Variants in RRBP1 observed in about 807,000 individuals in gnomAD.
RRBP1 encodes ribosome binding protein 1, also known as ribosome-binding protein 1.
RRBP1 carries 94 observed loss-of-function variants against 165.2 expected under a neutral mutation model. That is an observed-to-expected ratio of 0.57 (90% CI 0.48 to 0.68). The LOEUF is 0.68. RRBP1 is among the 30% of genes least tolerant of loss of function. The probability of loss-of-function intolerance (pLI) is 0.00; values close to 1 mark genes in which losing one functional copy is unlikely to be tolerated. For synonymous variants in RRBP1, 680 were observed against 714.5 expected, an observed-to-expected ratio of 0.95 and a Z score of 0.77; for missense variants, 1,676 against 1,763.0, an observed-to-expected ratio of 0.95 and a Z score of 0.88.
intron 13 of RRBP1, 37 bp from the exon 14 acceptor site, chr20:17,621,984 CTGT>C: frequency 1.9e-6 from 3 of 1,551,548 alleles, no homozygotes; most frequent in Non-Finnish European, 2.7e-6. Context: ...AGGTGTTCAG[CTGT>C]GGAGGTGTGG....
chr20:17,665,118 G>A (rs1226498412), intron 2 of RRBP1, among the ~76,000 whole-genome samples: 1 of 151,778 alleles, frequency 6.6e-6, no homozygotes, highest in African/African-American at 2.4e-5. Context: ...ATGTGGGGGG[G>A]GGACACACAC....
At chr20:17,618,570 G>C (rs577749394) in intron 20 of RRBP1, 26 bp downstream of exon 20, 1 of 1,586,384 alleles carries the variant, frequency 6.3e-7, no homozygotes, top group South Asian at 1.1e-5. Flanking sequence ...TCACACTCCT[G>C]GCATGGGGAC....
Position 17,619,720 on chromosome 20 carries a change from C to T in RRBP1, c.3588G>A (p.Glu1196=). 2 of 1,611,072 alleles carry T rather than the reference C, an allele frequency of 1.2e-6. No homozygotes were observed. The highest frequency in any genetic ancestry group is 2.2e-5 in the South Asian group (2 of 90,758). The change falls in exon 19 of 25, where the codon GAG becomes GAA. Residue 1196 remains glutamate (E), a synonymous_variant. Coordinates refer to ENST00000377813, the MANE Select transcript of RRBP1 (RefSeq NM_001365613.2). ...GELESSDQVR[E]HTSHLEAELE... is the part of the protein sequence containing the mutation. ...GCTCTGCCTCCAAATGCGACGTGTG[C>T]TCCCTCACCTGGACAGATGCACAGA...
chr20:17,631,996 C>T (rs750787667), intron 8 of RRBP1, among the ~76,000 whole-genome samples: 30 of 152,218 alleles, frequency 2.0e-4, no homozygotes, highest in Non-Finnish European at 3.2e-4. Context: ...TGATCTAGTC[C>T]TAGGCACTCT....
chr20:17,675,445 C>A (rs1408017694), intron 2 of RRBP1, among the ~76,000 whole-genome samples: 4 of 151,722 alleles, frequency 2.6e-5, no homozygotes, highest in African/African-American at 9.7e-5. Context: ...TACATCCCTG[C>A]ACTGGTAGAG....
intron 2 of RRBP1, among the ~76,000 whole-genome samples, chr20:17,672,807 A>C (rs2037001732): frequency 6.6e-6 from 1 of 152,240 alleles, no homozygotes; most frequent in Non-Finnish European, 1.5e-5. Context: ...GAATAGTGAG[A>C]ATGAACAAAC....
intron 2 of RRBP1, among the ~76,000 whole-genome samples, chr20:17,674,492 G>T (rs996325426): frequency 6.6e-6 from 1 of 152,018 alleles, no homozygotes; most frequent in Non-Finnish European, 1.5e-5. Context: ...GGCCAGGCTC[G>T]GTGGCTCAAG....
At position 17,635,624 on chromosome 20, in the gene RRBP1, G is replaced by T; in HGVS notation, c.2378C>A (p.Thr793Lys). The T allele has an allele frequency of 6.2e-7, 1 of 1,613,476 alleles. No homozygotes were observed. Among genetic ancestry groups the T allele is most frequent in the Non-Finnish European group, 8.5e-7 (1 of 1,179,888 alleles). Residue 793 changes from threonine to lysine, a missense_variant, in exon 7 of 25, where the codon ACG (threonine) becomes AAG (lysine). Physicochemically the swap from Thr to Lys is moderately conservative, Grantham distance 78. Transcript: ENST00000377813. The part of the protein sequence containing the change: ...LQEQLENGPN[T>K]QLARLQQENS... ...CTCCTGCTGCAGGCGGGCCAGCTGC[G>T]TGTTGGGGCCATTCTCCAGCTGCTC...
At position 17,659,975 on chromosome 20, in the gene RRBP1, G is replaced by T. The variant is rs770068989; in HGVS notation, c.533C>A (p.Pro178Gln). 1 of 1,607,170 alleles carries T rather than the reference G, an allele frequency of 6.2e-7. No homozygotes were observed. The highest frequency in any genetic ancestry group is 1.7e-5 in the Admixed American group (1 of 59,202). Reference protein sequence around the residue: ...AILETAPKEVPMVVVPPVGAK... With the variant: ...AILETAPKEVQMVVVPPVGAK... ...ACCCACTGGGGGCACCACCACCATCGGCACCTCCTTGGGAGCAGTTTCCAA... is the reference window on the plus strand; with the variant it reads ...ACCCACTGGGGGCACCACCACCATCTGCACCTCCTTGGGAGCAGTTTCCAA... Residue 178 changes from proline to glutamine, a missense_variant, in exon 3 of 25, where the codon CCG becomes CAG. Physicochemically the swap from Pro to Gln is moderately conservative, Grantham distance 76. Coordinates refer to ENST00000377813, the MANE Select transcript of RRBP1 (RefSeq NM_001365613.2).
At chr20:17,642,200 G>A (rs1293493550) in intron 4 of RRBP1, among the ~76,000 whole-genome samples, 1 of 152,234 alleles carries the variant, frequency 6.6e-6, no homozygotes, top group Non-Finnish European at 1.5e-5. Flanking sequence ...CTCCTCTGAG[G>A]GGCAGCTGGC....
chr20:17,659,743 G>A lies in RRBP1; in HGVS notation c.765C>T (p.Thr255=), dbSNP rs1050193621. 6 of 1,550,596 alleles carry A rather than the reference G, an allele frequency of 3.9e-6. No individual in the cohort carries two copies. The highest frequency in any genetic ancestry group is 5.2e-6 in the Non-Finnish European group (6 of 1,146,996). ...TPNQGKKAEG[T]PNQGKKAEGA... The stretch of plus-strand genomic sequence containing the variant: ...CCTCCGCCTTTTTGCCTTGGTTTGG[G>A]GTTCCTTCTGCCTTTTTGCCTTGGT... The change falls in exon 3 of 25, where the codon ACC becomes ACT. Residue 255 remains threonine, a synonymous_variant. Transcript: ENST00000377813.
Position 17,625,584 on chromosome 20 carries a change from G to A in RRBP1, c.2982C>T (p.Ser994=), listed in dbSNP as rs1369247058. The change falls in exon 12 of 25, where the codon TCC becomes TCT. Residue 994 remains serine, a synonymous_variant. Coordinates refer to ENST00000377813, the MANE Select transcript of RRBP1 (RefSeq NM_001365613.2). Reference sequence around the variant, plus strand: ...CCTCCTTCTCCAGACCCGACACCTGGGACTCCAGCTCCTTGAGGCTGAAGG... The same window carrying A: ...CCTCCTTCTCCAGACCCGACACCTGAGACTCCAGCTCCTTGAGGCTGAAGG... The part of the protein sequence containing the change: ...QQQTRLKELE[S]QVSGLEKEAI... The A allele has an allele frequency of 5.6e-6, 9 of 1,613,754 alleles. No homozygotes were observed. Among genetic ancestry groups the A allele is most frequent in the Non-Finnish European group, 7.6e-6 (9 of 1,179,912 alleles).
chr20:17,636,786 C>T (rs906441298), intron 5 of RRBP1, 57 bp from the exon 6 acceptor site: 7 of 1,600,172 alleles, frequency 4.4e-6, no homozygotes, highest in East Asian at 2.2e-5. Flanking sequence ...AGGAGCCTAT[C>T]AGAAGGGAGC....
chr20:17,642,850 C>G (rs2036390146), intron 4 of RRBP1, 129 bp downstream of exon 4: 2 of 1,060,636 alleles, frequency 1.9e-6, no homozygotes, highest in African/African-American at 1.6e-5. Context: ...CTCGGGGTGG[C>G]AGAATTCTGC....
In RRBP1 at chr20:17,660,153, C is replaced by G. The variant is rs1357505751; in HGVS notation, c.355G>C (p.Ala119Pro). The G allele has an allele frequency of 1.9e-6, 3 of 1,614,002 alleles. No individual in the cohort carries two copies. Among genetic ancestry groups the G allele is most frequent in the Non-Finnish European group, 2.5e-6 (3 of 1,180,046 alleles). ...ATGGCTGGAACTGTGGCGACAGGAG[C>G]AACGATAATGGGGGGCTGCACTGGG... Reference protein sequence around the residue: ...PTPVQPPIIVAPVATVPAMPQ... With the variant: ...PTPVQPPIIVPPVATVPAMPQ... The change falls in exon 3 of 25, where the codon GCT (alanine) becomes CCT (proline). Residue 119 changes from alanine (A) to proline (P), a missense_variant. Physicochemically the swap from Ala to Pro is conservative, Grantham distance 27. This residue lies in a region of RRBP1 where 392 missense variants were observed against 382.5 expected (regional missense o/e 1.02). Transcript: ENST00000377813.
At chr20:17,669,188 C>A (rs749678217) in intron 2 of RRBP1, among the ~76,000 whole-genome samples, 1 of 152,220 alleles carries the variant, frequency 6.6e-6, no homozygotes, top group South Asian at 2.1e-4. Flanking sequence ...CTATTATAAG[C>A]CTTTGCTTAT....
At chr20:17,614,267 T>G (rs1244541898) in intron 24 of RRBP1, 47 bp from the exon 25 acceptor site, 1 of 1,595,888 alleles carries the variant, frequency 6.3e-7, no homozygotes, top group Non-Finnish European at 8.6e-7. Flanking sequence ...CCACGAGCCA[T>G]GGCAGAACCA....
chr20:17,667,045 T>A (rs2036885798), intron 2 of RRBP1, among the ~76,000 whole-genome samples: 1 of 152,228 alleles, frequency 6.6e-6, no homozygotes, highest in African/African-American at 2.4e-5. Context: ...CTATGTGTAT[T>A]TTAAAATGAG....
At position 17,621,959 on chromosome 20, in the gene RRBP1, G is replaced by T; in HGVS notation, c.3148-12C>A. 6.2e-7 allele frequency: 1 copy of T among 1,604,072 alleles called. No individual in the cohort carries two copies. Among genetic ancestry groups the T allele is most frequent in the South Asian group, 1.1e-5 (1 of 90,906 alleles). ...TTCTCCGATTCCTCCTGGGGGGTGG[G>T]TGGGGAAGAGCGGAAGGTGTTCAGC... On this transcript the variant is annotated splice_polypyrimidine_tract_variant and intron_variant, in intron 13 of 24. Transcript: ENST00000377813.
Sources: gnomAD v4.1 joint callset for allele counts (sites outside exome capture counted in the v4.1 genomes callset) on GRCh38, gnomAD v4.1.1 for gene constraint, gnomAD v4.1.1 regional missense constraint, MANE v1.5 for transcripts, NCBI Gene and HGNC (gene_info 2026-07-23, HGNC 2026-07-21) for gene names.